ALG6: variants seen among roughly 807,000 people sequenced by gnomAD.
ALG6 encodes ALG6 alpha-1,3-glucosyltransferase.
ALG6 carries 46 observed loss-of-function variants against 66.6 expected under a neutral mutation model. The observed-to-expected ratio is 0.69, with a 90% CI of 0.55 to 0.88. ALG6 has a LOEUF of 0.88. Among genes scored for constraint, ALG6 ranks in the 40% least tolerant of loss-of-function variants. ALG6 has a pLI of 0.00. For synonymous variants in ALG6, 185 were observed against 203.7 expected (o/e 0.91, Z 0.78); for missense variants, 505 against 586.8 (o/e 0.86, Z 1.44).
intron 11 of ALG6, among the ~76,000 whole-genome samples, chr1:63,418,260 TTTA>T (rs896317231): frequency 4.7e-5 from 7 of 149,446 alleles, no homozygotes; most frequent in African/African-American, 1.5e-4. Context: ...TCTGAGTAGC[TTTA>T]TTATTAAATA....
intron 6 of ALG6, 47 bp downstream of exon 6, chr1:63,406,446 TATTA>T (rs1352371585): frequency 1.3e-5 from 19 of 1,495,860 alleles, no homozygotes; most frequent in Non-Finnish European, 1.8e-5. Context: ...ATGTATTCTT[TATTA>T]GTCTAACTAT....
chr1:63,414,918 G>C (rs1204592616), intron 10 of ALG6, among the ~76,000 whole-genome samples: 1 of 152,184 alleles, frequency 6.6e-6, no homozygotes, highest in Non-Finnish European at 1.5e-5. Context: ...ATGCTGTTAG[G>C]GAAGGCCTCA....
At chr1:63,391,032 G>A (rs1225425394) in intron 2 of ALG6, among the ~76,000 whole-genome samples, 1 of 152,160 alleles carries the variant, frequency 6.6e-6, no homozygotes. Context: ...TGGTGTTCCT[G>A]CCAGGGGGAC....
At position 63,428,016 on chromosome 1, in the gene ALG6, G is replaced by A. The variant is rs1401571655; in HGVS notation, c.1059-717G>A. 2.0e-5 allele frequency among the ~76,000 whole-genome samples: 3 copies of A among 151,944 alleles called. No individual in the cohort carries two copies. The East Asian group carries it at 5.8e-4, about 29-fold the overall frequency. The stretch of plus-strand genomic sequence containing the variant: ...GTAGCGATGGGGTTTCACCATGTTG[G>A]CCAGGCTGGTCTCGAACTCCTGACC... On this transcript the variant is annotated intron_variant, in intron 12 of 14. Coordinates refer to ENST00000263440, the MANE Select transcript of ALG6 (RefSeq NM_013339.4).
intron 14 of ALG6, among the ~76,000 whole-genome samples, chr1:63,434,267 T>C (rs1300953833): frequency 6.6e-6 from 1 of 152,048 alleles, no homozygotes; most frequent in Non-Finnish European, 1.5e-5. Flanking sequence ...ATTTTGAAGG[T>C]AGAGCCAACA....
chr1:63,420,127 G>C (rs1644565908), intron 12 of ALG6, among the ~76,000 whole-genome samples: 1 of 152,122 alleles, frequency 6.6e-6, no homozygotes, highest in Non-Finnish European at 1.5e-5. Flanking sequence ...ACAAATGGCA[G>C]GCAGTATTGC....
chr1:63,368,242 C>G (rs1647791090), intron 1 of ALG6, among the ~76,000 whole-genome samples: 1 of 152,148 alleles, frequency 6.6e-6, no homozygotes, highest in Non-Finnish European at 1.5e-5. Flanking sequence ...CGCAAATAAC[C>G]CTTTTTCTGG....
At chr1:63,380,905 G>A (rs548025155) in intron 2 of ALG6, among the ~76,000 whole-genome samples, 1 of 152,142 alleles carries the variant, frequency 6.6e-6, no homozygotes, top group African/African-American at 2.4e-5. Flanking sequence ...ATTCCTTTTG[G>A]GTTACTATAT....
At chr1:63,412,360 A>C (rs566805501) in intron 9 of ALG6, among the ~76,000 whole-genome samples, 90 of 152,236 alleles carry the variant, frequency 5.9e-4, no homozygotes, top group African/African-American at 2.1e-3. Context: ...GGGTGTGTGC[A>C]CCTTGCTAGT....
At chr1:63,368,732 C>A (rs1647811179) in intron 1 of ALG6, among the ~76,000 whole-genome samples, 2 of 152,126 alleles carry the variant, frequency 1.3e-5, no homozygotes, top group South Asian at 4.1e-4. Flanking sequence ...AACTCCTGAC[C>A]TCAGGTGATC....
intron 12 of ALG6, among the ~76,000 whole-genome samples, chr1:63,420,566 A>G (rs1644568089): frequency 6.6e-6 from 1 of 152,150 alleles, no homozygotes; most frequent in Non-Finnish European, 1.5e-5. Context: ...GTTTGCATTA[A>G]AAGTTCCTTT....
rs150719294 is a variant in ALG6, at chr1:63,374,166, C to T, written c.82+3107C>T. Among the ~76,000 whole-genome samples, 4 of 152,258 alleles carry T rather than the reference C, an allele frequency of 2.6e-5. No homozygotes were observed. In the East Asian group the frequency reaches 7.7e-4, roughly 29 times the overall value. On this transcript the variant is annotated intron_variant, in intron 2 of 14. Transcript: ENST00000263440. ...CAATCAGTGCTCTTATGACTGTGCT[C>T]TGTGGCTTCTGAATGAGTTCGAGGA...
intron 2 of ALG6, among the ~76,000 whole-genome samples, chr1:63,394,424 GGCTGGAGT>G (rs1648759525): frequency 6.6e-6 from 1 of 151,868 alleles, no homozygotes; most frequent in African/African-American, 2.4e-5. Flanking sequence ...CTGTCGCCCA[GGCTGGAGT>G]GCAGTGGCGC....
At chr1:63,376,053 A>G (rs1034219769) in intron 2 of ALG6, among the ~76,000 whole-genome samples, 1 of 151,026 alleles carries the variant, frequency 6.6e-6, no homozygotes, top group African/African-American at 2.5e-5. Context: ...TTGTTTAATG[A>G]TGGGGATTCA....
At chr1:63,387,526 C>G (rs1364646772) in intron 2 of ALG6, among the ~76,000 whole-genome samples, 1 of 76,848 alleles carries the variant, frequency 1.3e-5, no homozygotes, top group Non-Finnish European at 2.6e-5. Context: ...CCTTCTTTGT[C>G]TTTCTCTTTT....
intron 3 of ALG6, among the ~76,000 whole-genome samples, chr1:63,397,446 A>G (rs1160796110): frequency 6.6e-6 from 1 of 151,940 alleles, no homozygotes; most frequent in Non-Finnish European, 1.5e-5. Context: ...TGACCTCCCA[A>G]AGTGCTGGGA....
In ALG6 at chr1:63,373,536, A is replaced by G. The variant is rs1648006013; in HGVS notation, c.82+2477A>G. 3.3e-5 allele frequency among the ~76,000 whole-genome samples: 5 copies of G among 151,666 alleles called. No homozygotes were observed. In the South Asian group the frequency reaches 1.1e-3, roughly 32 times the overall value. The stretch of plus-strand genomic sequence containing the variant: ...CTTAAGCCCAGGAGATGGAGGTTGC[A>G]GTGAGCCAAGATCATCCCATTACAC... On this transcript the variant is annotated intron_variant, in intron 2 of 14. Coordinates refer to ENST00000263440, the MANE Select transcript of ALG6 (RefSeq NM_013339.4).
chr1:63,433,424 G>A lies in ALG6; in HGVS notation c.1327-3399G>A, dbSNP rs1032341343. ...AGGTATTCTCAGGGCAGAGTTGAATGGGTGTCCTGAGGGTTTTGCACTTTA... is the reference window on the plus strand; with the variant it reads ...AGGTATTCTCAGGGCAGAGTTGAATAGGTGTCCTGAGGGTTTTGCACTTTA... On this transcript the variant is annotated intron_variant, in intron 14 of 14. Coordinates refer to ENST00000263440, the MANE Select transcript of ALG6 (RefSeq NM_013339.4). This position sits in a 1 kb window ranked among gnomAD's most constrained non-coding sequence, Gnocchi z 4.2. Among the ~76,000 whole-genome samples, 2 of 152,138 alleles carry A rather than the reference G, an allele frequency of 1.3e-5. No homozygotes were observed. The highest frequency in any genetic ancestry group is 4.8e-5 in the African/African-American group (2 of 41,432).
rs1644470150 is a variant in ALG6, at chr1:63,402,505, C to CGCCCA, written c.257+164_257+168dup. On this transcript the variant is annotated intron_variant, in intron 4 of 14. Coordinates refer to ENST00000263440, the MANE Select transcript of ALG6 (RefSeq NM_013339.4). ...TTTTTGAGATGAAGTCTCACTCCAT[C>CGCCCA]GCCCAGGCTGGAGTGCAGTGGTACA... Among the ~76,000 whole-genome samples the CGCCCA allele has an allele frequency of 4.1e-5, 5 of 122,744 alleles. No individual in the cohort carries two copies. The Admixed American group carries it at 5.1e-4, about 12-fold the overall frequency. The allele number at this position is 122,744 out of a possible 152,430, so 80.5% of individuals were successfully genotyped here. A position where few individuals can be genotyped will look rare whatever the true frequency, so the allele number is the denominator to read the frequency against.
Sources: allele counts gnomAD v4.1 joint callset (sites outside exome capture counted in the v4.1 genomes callset), GRCh38; gene constraint gnomAD v4.1.1; non-coding constraint Gnocchi (gnomAD v3.1); transcripts MANE v1.5; gene names NCBI Gene and HGNC (gene_info 2026-07-23, HGNC 2026-07-21).